Variants in AGBL4 observed in about 807,000 individuals in gnomAD.
AGBL4 encodes the protein AGBL carboxypeptidase 4.
AGBL4 carries 58 observed loss-of-function variants against 66.4 expected under a neutral mutation model. The observed-to-expected ratio is 0.87, with a 90% CI of 0.71 to 1.09. The LOEUF is 1.09. Ranked by LOEUF, AGBL4 falls within the 50% of genes least tolerant of loss-of-function variation. The pLI, the probability that AGBL4 is intolerant of heterozygous loss-of-function variation, is 0.00. For missense variants in AGBL4, 579 were observed against 631.0 expected, an observed-to-expected ratio of 0.92 and a Z score of 0.88; for synonymous variants, 234 against 222.9, an observed-to-expected ratio of 1.05 and a Z score of -0.44.
chr1:49,618,347 T>TTCACAGGCA lies in AGBL4; in HGVS notation c.282+78965_282+78966insTGCCTGTGA, dbSNP rs1467120302. On this transcript the variant is annotated intron_variant, in intron 3 of 13. Coordinates refer to ENST00000371839, the MANE Select transcript of AGBL4 (RefSeq NM_032785.4). ...TGTGCCTTTACAGGAGAATGATGTA[T>TTCACAGGCA]AATCCTTTGGGTATATGCTCAGTAA... Among the ~76,000 whole-genome samples the TTCACAGGCA allele has an allele frequency of 7.7e-4, 103 of 132,910 alleles. 1 individual carries two copies. Among genetic ancestry groups the TTCACAGGCA allele is most frequent in the South Asian group, 1.1e-3 (5 of 4,384 alleles). 87.2% of individuals were successfully genotyped at this position (132,910 alleles called of 152,430 possible). A position where few individuals can be genotyped will look rare whatever the true frequency, so the allele number is the denominator to read the frequency against.
chr1:49,831,398 G>A (rs753866512), intron 2 of AGBL4, among the ~76,000 whole-genome samples: 1 of 152,070 alleles, frequency 6.6e-6, no homozygotes, highest in Non-Finnish European at 1.5e-5. Flanking sequence ...CTTATGATTT[G>A]GCTCTCTGTT....
intron 3 of AGBL4, among the ~76,000 whole-genome samples, chr1:49,428,795 T>C (rs1645721821): frequency 6.6e-6 from 1 of 152,192 alleles, no homozygotes; most frequent in Admixed American, 6.5e-5. Flanking sequence ...GCAGAGCCAA[T>C]CTGGTTCACT....
At chr1:48,958,854 T>G (rs1657719613) in intron 5 of AGBL4, among the ~76,000 whole-genome samples, 1 of 152,242 alleles carries the variant, frequency 6.6e-6, no homozygotes, top group African/African-American at 2.4e-5. Flanking sequence ...TCTTAACAAT[T>G]TTTTAACAAG....
At chr1:49,335,574 G>A (rs965340052) in intron 3 of AGBL4, among the ~76,000 whole-genome samples, 2 of 151,502 alleles carry the variant, frequency 1.3e-5, no homozygotes, top group Non-Finnish European at 2.9e-5. Flanking sequence ...GGAGTGCAGT[G>A]GTGCAATCTT....
chr1:49,924,855 C>T (rs1014633350), intron 1 of AGBL4, among the ~76,000 whole-genome samples: 4 of 152,176 alleles, frequency 2.6e-5, no homozygotes, highest in Non-Finnish European at 4.4e-5. Context: ...AAAATTGACA[C>T]AGCAACTGGG....
chr1:48,862,941 C>G (rs946143093), intron 6 of AGBL4, among the ~76,000 whole-genome samples: 2 of 152,214 alleles, frequency 1.3e-5, no homozygotes, highest in African/African-American at 4.8e-5. Flanking sequence ...ACCATGGACT[C>G]TCACTAAAAT....
intron 11 of AGBL4, among the ~76,000 whole-genome samples, chr1:48,548,262 T>C (rs1490088275): frequency 6.6e-6 from 1 of 151,702 alleles, no homozygotes; most frequent in Non-Finnish European, 1.5e-5. Context: ...CAGCATTAAG[T>C]AGAGTGCTCA....
intron 3 of AGBL4, among the ~76,000 whole-genome samples, chr1:49,556,724 G>A (rs1246845920): frequency 2.0e-5 from 3 of 151,986 alleles, no homozygotes; most frequent in Non-Finnish European, 4.4e-5. Context: ...TTCAGCCCTT[G>A]GGCCGTCCAT....
intron 4 of AGBL4, among the ~76,000 whole-genome samples, chr1:49,090,994 C>A (rs1443465785): frequency 6.6e-6 from 1 of 151,928 alleles, no homozygotes. Flanking sequence ...GGAAAAGGAC[C>A]CCCATTCAGT....
At chr1:48,839,318 T>C (rs1255854740) in intron 6 of AGBL4, among the ~76,000 whole-genome samples, 1 of 152,108 alleles carries the variant, frequency 6.6e-6, no homozygotes, top group Admixed American at 6.5e-5. Flanking sequence ...AAATGTGGTG[T>C]GTGTGCATAT....
chr1:49,511,902 A>G (rs1299598909), intron 3 of AGBL4, among the ~76,000 whole-genome samples: 1 of 152,050 alleles, frequency 6.6e-6, no homozygotes, highest in East Asian at 1.9e-4. Flanking sequence ...GTAACTTCAG[A>G]AAGATAACTA....
At chr1:48,989,168 TA>T (rs1660412307) in intron 5 of AGBL4, among the ~76,000 whole-genome samples, 2 of 152,194 alleles carry the variant, frequency 1.3e-5, no homozygotes, top group African/African-American at 4.8e-5. Context: ...TGTCTAAGGG[TA>T]AAGTCTAAAT....
chr1:48,962,471 G>C (rs187861154), intron 5 of AGBL4, among the ~76,000 whole-genome samples: 1 of 152,256 alleles, frequency 6.6e-6, no homozygotes, highest in East Asian at 1.9e-4. Flanking sequence ...CAGGGACACG[G>C]GAATCAATAC....
chr1:49,152,444 C>T (rs1646354341), intron 4 of AGBL4, among the ~76,000 whole-genome samples: 1 of 152,110 alleles, frequency 6.6e-6, no homozygotes. Flanking sequence ...CAGTCTCGCC[C>T]ACCAAGTTAG....
chr1:48,790,108 C>T (rs1645511278), intron 6 of AGBL4, among the ~76,000 whole-genome samples: 1 of 152,140 alleles, frequency 6.6e-6, no homozygotes, highest in Non-Finnish European at 1.5e-5. Context: ...TGCAAAACTG[C>T]CCCCAAGCTA....
chr1:49,449,289 A>G (rs1218904665), intron 3 of AGBL4, among the ~76,000 whole-genome samples: 2 of 152,108 alleles, frequency 1.3e-5, no homozygotes, highest in Non-Finnish European at 2.9e-5. Flanking sequence ...AGTATTTTAA[A>G]TGGAAGATAT....
Position 50,023,810 on chromosome 1 carries a change from C to G in AGBL4, c.-14G>C. 1 of 1,549,218 alleles carries G rather than the reference C, an allele frequency of 6.5e-7. No homozygotes were observed. Among genetic ancestry groups the G allele is most frequent in the Non-Finnish European group, 8.7e-7 (1 of 1,145,960 alleles). ...CCCCTCCGCCATTTTTGTTGTCCCT[C>G]AGTCTCCGAGCTCACGCGAAGACCG... On this transcript the variant is annotated 5_prime_UTR_variant, in exon 1 of 14. Coordinates refer to ENST00000371839, the MANE Select transcript of AGBL4 (RefSeq NM_032785.4).
chr1:49,713,604 C>A (rs893452141), intron 2 of AGBL4, among the ~76,000 whole-genome samples: 70 of 151,774 alleles, frequency 4.6e-4, no homozygotes, highest in African/African-American at 1.6e-3. Flanking sequence ...TTTATATATA[C>A]CATATACATA....
rs1210435602 is a variant in AGBL4, at chr1:49,950,112, GTATATACACATATGTGTATA to G, written c.34+73631_34+73650del. On this transcript the variant is annotated intron_variant, in intron 1 of 13. Coordinates refer to ENST00000371839, the MANE Select transcript of AGBL4 (RefSeq NM_032785.4). ...TATATATACACATATATATACATAT[GTATATACACATATGTGTATA>G]TATATACACATATGTGTATATATAT... Among the ~76,000 whole-genome samples the G allele has an allele frequency of 7.2e-3, 951 of 132,098 alleles. 3 individuals are homozygous for G. The highest frequency in any genetic ancestry group is 0.01 in the African/African-American group (372 of 35,542). The allele number at this position is 132,098 out of a possible 152,430, so 86.7% of individuals were successfully genotyped here.
Sources: allele counts gnomAD v4.1 joint callset (sites outside exome capture counted in the v4.1 genomes callset), GRCh38; gene constraint gnomAD v4.1.1; transcripts MANE v1.5; gene names NCBI Gene and HGNC (gene_info 2026-07-23, HGNC 2026-07-21).